LIN52: variants seen among roughly 807,000 people sequenced by gnomAD.
LIN52 encodes the protein protein lin-52 homolog.
Under a neutral mutation model 18.5 loss-of-function variants are expected in LIN52, and 4 were observed. That is an observed-to-expected ratio of 0.22 (90% confidence interval 0.11 to 0.49). The LOEUF (loss-of-function observed/expected upper bound fraction) is 0.49. Ranked by LOEUF, LIN52 falls within the 20% of genes least tolerant of loss-of-function variation. The pLI, the probability that LIN52 is intolerant of heterozygous loss-of-function variation, is 0.97. For synonymous variants in LIN52, 34 were observed against 45.5 expected, an observed-to-expected ratio of 0.75 and a Z score of 1.02; for missense variants, 102 against 139.5, an observed-to-expected ratio of 0.73 and a Z score of 1.35.
intron 5 of LIN52, among the ~76,000 whole-genome samples, chr14:74,165,309 G>A (rs2061243759): frequency 6.6e-6 from 1 of 151,982 alleles, no homozygotes; most frequent in Non-Finnish European, 1.5e-5. Flanking sequence ...TGTATTGGGG[G>A]AAGTCAATAG....
At chr14:74,093,838 A>G (rs1274681114) in intron 2 of LIN52, among the ~76,000 whole-genome samples, 1 of 152,136 alleles carries the variant, frequency 6.6e-6, no homozygotes, top group Non-Finnish European at 1.5e-5. Context: ...GTGGTGGCAC[A>G]TGCCTGTAAT....
chr14:74,114,972 CA>C (rs1243841058), intron 5 of LIN52, among the ~76,000 whole-genome samples: 1 of 152,164 alleles, frequency 6.6e-6, no homozygotes, highest in Non-Finnish European at 1.5e-5. Context: ...AACTTTCCTA[CA>C]AGTTTAAAAA....
At chr14:74,143,624 T>C (rs2061142271) in intron 5 of LIN52, among the ~76,000 whole-genome samples, 1 of 130,758 alleles carries the variant, frequency 7.6e-6, no homozygotes, top group South Asian at 2.3e-4. Flanking sequence ...TTTTTTTAAC[T>C]ATACAAATTA....
intron 5 of LIN52, among the ~76,000 whole-genome samples, chr14:74,137,740 C>T (rs968524482): frequency 2.6e-5 from 4 of 151,966 alleles, no homozygotes; most frequent in South Asian, 2.1e-4. Flanking sequence ...CCTCGTGATC[C>T]GCCTGCCTCA....
At chr14:74,104,591 AT>A (rs201667013) in intron 5 of LIN52, among the ~76,000 whole-genome samples, 77 of 143,816 alleles carry the variant, frequency 5.4e-4, no homozygotes, top group East Asian at 8.2e-4. Flanking sequence ...TACAGGCTTG[AT>A]TTTTTTTTTT....
intron 2 of LIN52, among the ~76,000 whole-genome samples, chr14:74,094,440 G>T (rs967920818): frequency 4.6e-5 from 7 of 151,818 alleles, no homozygotes; most frequent in Admixed American, 2.6e-4. Context: ...AAAAATTTTG[G>T]GGGGGACAAG....
intron 5 of LIN52, among the ~76,000 whole-genome samples, chr14:74,177,030 C>G (rs34026405): frequency 1.3e-5 from 2 of 151,394 alleles, no homozygotes; most frequent in Non-Finnish European, 2.9e-5. Context: ...CTGAGTTTCC[C>G]TCTTGTTGCC....
chr14:74,156,564 A>T (rs901625293), intron 5 of LIN52, among the ~76,000 whole-genome samples: 8 of 152,214 alleles, frequency 5.3e-5, no homozygotes, highest in Non-Finnish European at 1.2e-4. Flanking sequence ...TGATATTTTG[A>T]TACATGCATA....
chr14:74,159,967 G>A (rs1010166488), intron 5 of LIN52, among the ~76,000 whole-genome samples: 1 of 152,192 alleles, frequency 6.6e-6, no homozygotes, highest in Non-Finnish European at 1.5e-5. Context: ...GTGTGTACAT[G>A]TATAATTTTC....
At chr14:74,102,791 G>C (rs1007368104) in intron 5 of LIN52, among the ~76,000 whole-genome samples, 2 of 152,184 alleles carry the variant, frequency 1.3e-5, no homozygotes, top group East Asian at 3.8e-4. Flanking sequence ...ATTATCTATA[G>C]TTATAGCTGA....
intron 5 of LIN52, among the ~76,000 whole-genome samples, chr14:74,131,319 C>CTTT (rs34203200): frequency 1.8e-3 from 247 of 137,996 alleles, no homozygotes; most frequent in Non-Finnish European, 2.0e-3. Flanking sequence ...ATTTAAGTGA[C>CTTT]TTTTTTTTTT....
At chr14:74,092,868 G>C (rs79780490) in intron 2 of LIN52, among the ~76,000 whole-genome samples, 26,012 of 151,330 alleles carry the variant, frequency 0.17, 2,713 homozygotes, top group East Asian at 0.58. Context: ...AGTGAGCCAA[G>C]ATTGCACTAT....
chr14:74,183,033 A>G (rs967462829), intron 5 of LIN52, among the ~76,000 whole-genome samples: 5 of 151,580 alleles, frequency 3.3e-5, no homozygotes, highest in African/African-American at 1.2e-4. Flanking sequence ...TTTGTTCCTC[A>G]TCTAAAGAAT....
intron 1 of LIN52, among the ~76,000 whole-genome samples, chr14:74,090,732 T>G (rs957143724): frequency 1.3e-5 from 2 of 152,204 alleles, no homozygotes; most frequent in African/African-American, 4.8e-5. Flanking sequence ...TTGTAAAGTT[T>G]TATTTATTTT....
intron 5 of LIN52, among the ~76,000 whole-genome samples, chr14:74,181,435 CAA>C (rs35376861): frequency 4.6e-5 from 5 of 108,410 alleles, no homozygotes; most frequent in Non-Finnish European, 3.8e-5. Context: ...AAGACCCTGT[CAA>C]AAAAAAAAAA....
chr14:74,198,805 G>A (rs746970362), intron 5 of LIN52, 117 bp from the exon 6 acceptor site: 1 of 760,418 alleles, frequency 1.3e-6, no homozygotes. Context: ...TGAATCTGTT[G>A]TGATAGCAAC....
At chr14:74,085,635 G>A (rs536623280) in intron 1 of LIN52, 4 of 152,290 alleles carry the variant, frequency 2.6e-5, no homozygotes, top group Admixed American at 2.0e-4. Context: ...TTTACGTGTT[G>A]TTTCTTAAGG....
At chr14:74,094,495 G>T (rs1278349487) in intron 2 of LIN52, among the ~76,000 whole-genome samples, 1 of 152,124 alleles carries the variant, frequency 6.6e-6, no homozygotes, top group East Asian at 1.9e-4. Flanking sequence ...CTGGGCTCAG[G>T]CTGTCTTTCC....
intron 5 of LIN52, among the ~76,000 whole-genome samples, chr14:74,181,107 C>CAAAAAAAAAAAAAAAAAA (rs149099646): frequency 6.2e-5 from 6 of 96,112 alleles, no homozygotes; most frequent in East Asian, 4.4e-4. Context: ...GACTCTGTCT[C>CAAAAAAAAAAAAAAAAAA]AAAAAAAAAA....
Sources: allele counts gnomAD v4.1 joint callset (sites outside exome capture counted in the v4.1 genomes callset), GRCh38; gene constraint gnomAD v4.1.1; transcripts MANE v1.5; gene names NCBI Gene and HGNC (gene_info 2026-07-23, HGNC 2026-07-21).